Variants in THEMIS observed in about 807,000 individuals in gnomAD.
THEMIS encodes protein THEMIS.
A neutral mutation model predicts 52.6 loss-of-function variants in THEMIS; 37 were observed. The ratio of observed to expected loss-of-function variants is 0.70; its 90% CI spans 0.54 to 0.93. THEMIS has a LOEUF of 0.93. THEMIS is among the 40% of genes least tolerant of loss of function. The pLI is 0.00. For missense variants in THEMIS, 808 were observed against 763.1 expected (o/e 1.06, Z -0.69); for synonymous variants, 292 against 272.7 (o/e 1.07, Z -0.70).
chr6:127,888,888 T>C (rs955901922), intron 1 of THEMIS, among the ~76,000 whole-genome samples: 3 of 152,124 alleles, frequency 2.0e-5, no homozygotes, highest in African/African-American at 4.8e-5. Context: ...TGACATTATA[T>C]GACTCTCTTT....
At chr6:127,912,743 G>GA (rs1167745733) in intron 1 of THEMIS, among the ~76,000 whole-genome samples, 2 of 152,064 alleles carry the variant, frequency 1.3e-5, no homozygotes, top group Non-Finnish European at 1.5e-5. Context: ...ATACACAACT[G>GA]AAAAAAGTTT....
chr6:127,865,894 T>G (rs1191956427), intron 1 of THEMIS, among the ~76,000 whole-genome samples: 3 of 152,120 alleles, frequency 2.0e-5, no homozygotes, highest in Admixed American at 6.6e-5. Context: ...ATTTTATGTT[T>G]ATTTGGCAGT....
chr6:127,880,599 C>T (rs183064269), intron 1 of THEMIS, among the ~76,000 whole-genome samples: 54 of 141,140 alleles, frequency 3.8e-4, no homozygotes, highest in Admixed American at 9.2e-4. Flanking sequence ...GCACTTTGGT[C>T]TGTGGTTAGA....
intron 1 of THEMIS, among the ~76,000 whole-genome samples, chr6:127,862,304 A>G (rs1317128118): frequency 6.6e-6 from 1 of 151,934 alleles, no homozygotes; most frequent in Non-Finnish European, 1.5e-5. Context: ...TCTGATTTCT[A>G]CCTTATATTC....
At chr6:127,807,357 TA>T (rs745621361) in intron 4 of THEMIS, 7,882 of 215,804 alleles carry the variant, frequency 0.037, no homozygotes, top group South Asian at 0.082. Flanking sequence ...GAGAATTCAT[TA>T]AAAAAAAAAA....
At chr6:127,897,555 A>G (rs1781006483) in intron 1 of THEMIS, among the ~76,000 whole-genome samples, 1 of 151,554 alleles carries the variant, frequency 6.6e-6, no homozygotes, top group African/African-American at 2.4e-5. Flanking sequence ...GCTCAATCTT[A>G]TTAGTCATCA....
At chr6:127,763,675 G>A (rs1002730733) in intron 4 of THEMIS, among the ~76,000 whole-genome samples, 2 of 151,818 alleles carry the variant, frequency 1.3e-5, no homozygotes, top group African/African-American at 4.8e-5. Context: ...AAACTACATT[G>A]ACCAGGTAGC....
At position 127,813,963 on chromosome 6, in the gene THEMIS, T is replaced by C. The variant is rs1778039006; in HGVS notation, c.710-32A>G. 2.0e-6 allele frequency: 3 copies of C among 1,501,844 alleles called. No homozygotes were observed. In the South Asian group the frequency reaches 4.2e-5, roughly 21 times the overall value. 93.0% of individuals were successfully genotyped at this position (1,501,844 alleles called of 1,614,324 possible). ...AGAAAAAATAAATCACTATGATATT[T>C]TTGTACTTCAAAACGTTTGCTGTGA... On this transcript the variant is annotated intron_variant, in intron 3 of 5. Coordinates refer to ENST00000368248, the MANE Select transcript of THEMIS (RefSeq NM_001010923.3).
At chr6:127,723,627 T>G (rs1774440192) in intron 4 of THEMIS, among the ~76,000 whole-genome samples, 1 of 151,998 alleles carries the variant, frequency 6.6e-6, no homozygotes, top group Non-Finnish European at 1.5e-5. Context: ...CTAATTCTAA[T>G]GTCCTTTCAG....
chr6:127,729,140 T>TTCTCTCTCTC (rs35400135), intron 4 of THEMIS, among the ~76,000 whole-genome samples: 3 of 106,232 alleles, frequency 2.8e-5, no homozygotes, highest in African/African-American at 8.0e-5. Context: ...TACCAATTTA[T>TTCTCTCTCTC]TCTCTCTCTC....
Position 127,730,277 on chromosome 6 carries a change from T to TAAAGAAAAGA in THEMIS, c.1759-10464_1759-10455dup, listed in dbSNP as rs200876150. On this transcript the variant is annotated intron_variant, in intron 4 of 5. Transcript: ENST00000368248. ...AGACAGACCCTGTATCTATAGGAAATAAAGAAAAGAAAAGAAAAGAAAAGA... is the reference window on the plus strand; with the variant it reads ...AGACAGACCCTGTATCTATAGGAAATAAAGAAAAGAAAAGAAAAGAAAAGAAAAGAAAAGA... Among the ~76,000 whole-genome samples the TAAAGAAAAGA allele has an allele frequency of 8.1e-3, 443 of 54,726 alleles. 7 individuals carry two copies. The highest frequency in any genetic ancestry group is 1.0e-2 in the Non-Finnish European group (193 of 19,376). 35.9% of individuals were successfully genotyped at this position (54,726 alleles called of 152,430 possible). A position where few individuals can be genotyped will look rare whatever the true frequency, so the allele number is the denominator to read the frequency against.
intron 2 of THEMIS, among the ~76,000 whole-genome samples, chr6:127,844,726 G>A (rs761830310): frequency 4.6e-5 from 7 of 151,890 alleles, no homozygotes; most frequent in Non-Finnish European, 1.0e-4. Flanking sequence ...AGGTAATCCA[G>A]AAATTTGGAA....
intron 2 of THEMIS, among the ~76,000 whole-genome samples, chr6:127,851,001 G>A (rs270025): frequency 0.64 from 96,530 of 151,304 alleles, 30,985 homozygotes; most frequent in East Asian, 0.83. Flanking sequence ...AAAGAAAATC[G>A]TGTCTACATA....
At chr6:127,702,929 G>A in the THEMIS span, among the ~76,000 whole-genome samples, 2 of 151,328 alleles carry the variant, frequency 1.3e-5, no homozygotes, top group Non-Finnish European at 2.9e-5. Context: ...ACAACACGTG[G>A]GAATTCAAGA....
At chr6:127,911,278 G>A (rs1781404577) in intron 1 of THEMIS, among the ~76,000 whole-genome samples, 1 of 151,194 alleles carries the variant, frequency 6.6e-6, no homozygotes, top group African/African-American at 2.5e-5. Flanking sequence ...TTACACTGTA[G>A]CTCCTTGAGG....
intron 4 of THEMIS, among the ~76,000 whole-genome samples, chr6:127,742,761 C>T (rs1475088152): frequency 6.6e-6 from 1 of 150,866 alleles, no homozygotes; most frequent in Admixed American, 6.6e-5. Context: ...TTGTCAGGGG[C>T]TGGGGGTGGG....
chr6:127,791,729 C>A (rs1464094101), intron 4 of THEMIS, among the ~76,000 whole-genome samples: 1 of 152,120 alleles, frequency 6.6e-6, no homozygotes, highest in Admixed American at 6.5e-5. Context: ...GCTGAGCCAC[C>A]CTTAGCCCCC....
chr6:127,701,402 C>T, the THEMIS span, among the ~76,000 whole-genome samples: 168 of 152,142 alleles, frequency 1.1e-3, no homozygotes, highest in African/African-American at 3.4e-3. Context: ...CAGTTTCCAT[C>T]GCGTGGTTAC....
At chr6:127,867,869 T>C (rs1780031909) in intron 1 of THEMIS, among the ~76,000 whole-genome samples, 2 of 152,068 alleles carry the variant, frequency 1.3e-5, no homozygotes, top group Non-Finnish European at 2.9e-5. Flanking sequence ...AGTCTGAGAC[T>C]GTAGAATGAA....
Sources: gnomAD v4.1 joint callset for allele counts (sites outside exome capture counted in the v4.1 genomes callset) on GRCh38, gnomAD v4.1.1 for gene constraint, MANE v1.5 for transcripts, NCBI Gene and HGNC (gene_info 2026-07-23, HGNC 2026-07-21) for gene names.